The following TCEA2 variants were observed in gnomAD, a reference collection of about 807,000 sequenced individuals.
TCEA2 encodes transcription elongation factor A protein 2.
A neutral mutation model predicts 40.8 loss-of-function variants in TCEA2; 21 were observed. That is an observed-to-expected ratio of 0.51 (90% CI 0.36 to 0.74). TCEA2 has a LOEUF of 0.74. TCEA2 is among the 30% of genes least tolerant of loss of function. The probability of loss-of-function intolerance (pLI) is 0.00; values close to 1 mark genes in which losing one functional copy is unlikely to be tolerated. For missense variants in TCEA2, 326 were observed against 426.5 expected, an observed-to-expected ratio of 0.76 and a Z score of 2.08; for synonymous variants, 165 against 162.7, an observed-to-expected ratio of 1.01 and a Z score of -0.11.
chr20:64,063,393 C>T lies in TCEA2; in HGVS notation c.72+9C>T, dbSNP rs775004137. The stretch of plus-strand genomic sequence containing the variant: ...TGACCAAGAAGAGCGCGGTGAGGGG[C>T]GCGGGCCGCCAGGACCCCGGGAACC... On this transcript the variant is annotated intron_variant, in intron 1 of 9. Transcript: ENST00000343484. 14 of 1,544,650 alleles carry T rather than the reference C, an allele frequency of 9.1e-6. No individual in the cohort carries two copies. Among genetic ancestry groups the T allele is most frequent in the African/African-American group, 1.4e-5 (1 of 72,818 alleles).
upstream of TCEA2, among the ~76,000 whole-genome samples, chr20:64,058,269 G>A (rs2059500363): frequency 1.3e-5 from 2 of 152,192 alleles, no homozygotes; most frequent in Non-Finnish European, 2.9e-5. This position sits in a 1 kb window ranked among gnomAD's most constrained non-coding sequence, Gnocchi z 6.7. Context: ...ACACCTGTCC[G>A]ACCAGGCTCC....
In TCEA2 at chr20:64,063,446, G is replaced by A. The variant is rs2059614766; in HGVS notation, c.72+62G>A. 8 of 1,519,170 alleles carry A rather than the reference G, an allele frequency of 5.3e-6. No individual in the cohort carries two copies. The South Asian group carries it at 7.2e-5, about 14-fold the overall frequency. The allele number at this position is 1,519,170 out of a possible 1,614,324, so 94.1% of individuals were successfully genotyped here. On this transcript the variant is annotated intron_variant, in intron 1 of 9. Coordinates refer to ENST00000343484, the MANE Select transcript of TCEA2 (RefSeq NM_003195.6). The stretch of plus-strand genomic sequence containing the variant: ...GCCCCGCCGAGACCCCGTCGAGCCC[G>A]CCGACCCCCGTTAGGGCCGGAAGAC...
chr20:64,060,308 C>T (rs775215465), upstream of TCEA2, among the ~76,000 whole-genome samples: 2 of 152,224 alleles, frequency 1.3e-5, no homozygotes, highest in African/African-American at 2.4e-5. Context: ...AACTCACACT[C>T]GGCCGTTGGA....
intron 1 of TCEA2, chr20:64,066,070 A>G (rs1601588313): frequency 5.8e-6 from 1 of 171,032 alleles, no homozygotes; most frequent in Non-Finnish European, 1.3e-5. Context: ...CTGGGGCTGC[A>G]GTTTCACCTG....
At chr20:64,056,431 G>A (rs2059474029), upstream of TCEA2, among the ~76,000 whole-genome samples, 1 of 152,292 alleles carries the variant, frequency 6.6e-6, no homozygotes, top group South Asian at 2.1e-4. Flanking sequence ...GTCACAGCTC[G>A]GCAGAGCCCC....
chr20:64,069,842 G>A (rs768130412), intron 6 of TCEA2, 21 bp downstream of exon 6: 2 of 1,611,534 alleles, frequency 1.2e-6, no homozygotes, highest in South Asian at 1.1e-5. Context: ...GGTAGGGGCT[G>A]TGGGCCTGGG....
rs952945206 is a variant in TCEA2, at chr20:64,066,556, C to T, written c.135+18C>T. 12 of 1,612,488 alleles carry T rather than the reference C, an allele frequency of 7.4e-6. No individual in the cohort carries two copies. Among genetic ancestry groups the T allele is most frequent in the Non-Finnish European group, 1.0e-5 (12 of 1,179,136 alleles). ...TGCTCCAGGTAGGTCCCTGCCTGCC[C>T]CAGGTCCAGGACAGCTCCTGGGTGC... is the stretch of plus-strand genomic sequence containing the variant. On this transcript the variant is annotated intron_variant, in intron 2 of 9. Transcript: ENST00000343484.
chr20:64,068,078 G>T lies in TCEA2; in HGVS notation c.273G>T (p.Gly91=). Residue 91 remains glycine, a synonymous_variant, in exon 4 of 10, where the codon GGG becomes GGT. Transcript: ENST00000343484. ...DASDAKARER[G]RGMPLPTSSR... ...CCGATGCCAAAGCCAGGGAGCGGGG[G>T]AGGGGCATGCCTCTGCCCACGTCCT... 6.2e-7 allele frequency: 1 copy of T among 1,608,448 alleles called. No homozygotes were observed. Among genetic ancestry groups the T allele is most frequent in the Non-Finnish European group, 8.5e-7 (1 of 1,177,816 alleles).
upstream of TCEA2, among the ~76,000 whole-genome samples, chr20:64,060,032 G>GTATGCAC (rs2059531958): frequency 6.6e-6 from 1 of 152,188 alleles, no homozygotes; most frequent in Admixed American, 6.5e-5. Flanking sequence ...GGACTGCGGC[G>GTATGCAC]TATGCACAAC....
intron 9 of TCEA2, 102 bp from the exon 10 acceptor site, chr20:64,072,070 A>G: frequency 6.3e-7 from 1 of 1,596,398 alleles, no homozygotes; most frequent in East Asian, 2.2e-5. Flanking sequence ...AGTCTTGGGC[A>G]TGGTGGGTGG....
chr20:64,071,028 A>G (rs1453092863), intron 8 of TCEA2, among the ~76,000 whole-genome samples: 1 of 152,192 alleles, frequency 6.6e-6, no homozygotes, highest in Non-Finnish European at 1.5e-5. Context: ...GAGACTGTGG[A>G]TCCCATGAGA....
At chr20:64,070,970 G>A (rs1490410651) in intron 8 of TCEA2, among the ~76,000 whole-genome samples, 1 of 152,208 alleles carries the variant, frequency 6.6e-6, no homozygotes, top group African/African-American at 2.4e-5. Flanking sequence ...GGCAGTGACT[G>A]CAGGACCCTC....
upstream of TCEA2, among the ~76,000 whole-genome samples, chr20:64,059,187 C>CT (rs1457623541): frequency 9.0e-6 from 1 of 110,514 alleles, no homozygotes; most frequent in Non-Finnish European, 1.7e-5. Context: ...GAGTGAAACT[C>CT]TGTCTCAAAA....
chr20:64,064,206 G>A (rs1802132044), intron 1 of TCEA2: 2 of 152,408 alleles, frequency 1.3e-5, no homozygotes, highest in South Asian at 2.1e-4. Flanking sequence ...TTATATAAGA[G>A]CCAGGAGGTC....
At chr20:64,056,452 T>C (rs540059682), upstream of TCEA2, among the ~76,000 whole-genome samples, 1 of 151,750 alleles carries the variant, frequency 6.6e-6, no homozygotes, top group Non-Finnish European at 1.5e-5. Context: ...CAAGGTGGGC[T>C]GGAGGGTCTG....
At chr20:64,063,028 G>A (rs1440514211), upstream of TCEA2, 3 of 224,430 alleles carry the variant, frequency 1.3e-5, no homozygotes, top group Non-Finnish European at 2.6e-5. Context: ...CACTGGCGAC[G>A]GTGGGTCAGG....
chr20:64,071,494 C>T (rs1218384399), intron 8 of TCEA2, among the ~76,000 whole-genome samples: 1 of 152,210 alleles, frequency 6.6e-6, no homozygotes, highest in East Asian at 1.9e-4. Context: ...TCTCCTGCTC[C>T]CAGCCACTGG....
upstream of TCEA2, among the ~76,000 whole-genome samples, chr20:64,059,085 T>A (rs1185924900): frequency 6.6e-6 from 1 of 150,864 alleles, no homozygotes; most frequent in Non-Finnish European, 1.5e-5. Flanking sequence ...CCCAGCTACT[T>A]GGGAGGCTGA....
Position 64,066,922 on chromosome 20 carries a change from G to A in TCEA2, c.143G>A (p.Arg48Gln), listed in dbSNP as rs759366867. 2.5e-6 allele frequency: 4 copies of A among 1,613,906 alleles called. No individual in the cohort carries two copies. Among genetic ancestry groups the A allele is most frequent in the Non-Finnish European group, 3.4e-6 (4 of 1,179,914 alleles). ...AGACCACTTGCCTCGTAGTCCACCC[G>A]AGTCGGGATGTCTGTCAACGCCCTT... Reference protein sequence around the residue: ...PITLHLLQSTRVGMSVNALRK... With the variant: ...PITLHLLQSTQVGMSVNALRK... Residue 48 changes from arginine (R) to glutamine (Q), a missense_variant, in exon 3 of 10, where the codon CGA becomes CAA. Physicochemically the swap from Arg to Gln is conservative, Grantham distance 43. Transcript: ENST00000343484.
Sources: gnomAD v4.1 joint callset for allele counts (sites outside exome capture counted in the v4.1 genomes callset) on GRCh38, gnomAD v4.1.1 for gene constraint, Gnocchi (gnomAD v3.1) non-coding constraint, MANE v1.5 for transcripts, NCBI Gene and HGNC (gene_info 2026-07-23, HGNC 2026-07-21) for gene names.